The following AURKA variants were observed in gnomAD, a reference collection of about 807,000 sequenced individuals.
AURKA encodes the protein aurora 2.
Under a neutral mutation model 40.9 loss-of-function variants are expected in AURKA, and 12 were observed. The observed-to-expected ratio is 0.29, with a 90% CI of 0.19 to 0.48. The LOEUF (loss-of-function observed/expected upper bound fraction) is 0.48, where lower values mean the gene tolerates loss of function less well. Ranked by LOEUF, AURKA falls within the 20% of genes least tolerant of loss-of-function variation. The pLI is 0.99. For synonymous variants in AURKA, 170 were observed against 164.3 expected (o/e 1.03, Z -0.26); for missense variants, 322 against 462.1 (o/e 0.70, Z 2.78).
At chr20:56,371,191 A>G (rs149789039) in intron 7 of AURKA, among the ~76,000 whole-genome samples, 1,640 of 151,992 alleles carry the variant, frequency 0.011, 19 homozygotes, top group African/African-American at 0.031. Context: ...GGCTGGGTGC[A>G]GTGGCTCATG....
intron 3 of AURKA, among the ~76,000 whole-genome samples, chr20:56,385,288 G>T (rs1336474667): frequency 1.3e-5 from 2 of 152,146 alleles, no homozygotes; most frequent in Admixed American, 1.3e-4. Flanking sequence ...CGTGGATGAA[G>T]CACGCACTTA....
At position 56,373,589 on chromosome 20, in the gene AURKA, G is replaced by A. The variant is rs900306406; in HGVS notation, c.706-33C>T. ...AACAATATTGAAAGCCTATGTTTTA[G>A]ATTTTATATAACACAAGTTAATATT... On this transcript the variant is annotated intron_variant, in intron 6 of 8. Coordinates refer to ENST00000395915, the MANE Select transcript of AURKA (RefSeq NM_198437.3). The surrounding 1 kb of genome is among the most constrained non-coding windows in gnomAD (Gnocchi z 5.0). 1 of 1,603,274 alleles carries A rather than the reference G, an allele frequency of 6.2e-7. No individual in the cohort carries two copies. Among genetic ancestry groups the A allele is most frequent in the African/African-American group, 1.3e-5 (1 of 74,650 alleles).
intron 6 of AURKA, among the ~76,000 whole-genome samples, chr20:56,374,018 C>A (rs922577241): frequency 1.7e-5 from 1 of 59,126 alleles, no homozygotes; most frequent in Non-Finnish European, 3.0e-5. Context: ...TAGGAGTCTA[C>A]ACACACACAC....
chr20:56,372,025 C>T (rs1453971514), intron 7 of AURKA, among the ~76,000 whole-genome samples: 4 of 152,172 alleles, frequency 2.6e-5, no homozygotes, highest in Non-Finnish European at 5.9e-5. Flanking sequence ...CTACCAATTC[C>T]GCATTTTTAT....
At chr20:56,377,571 A>G (rs1985097146) in intron 6 of AURKA, among the ~76,000 whole-genome samples, 1 of 152,100 alleles carries the variant, frequency 6.6e-6, no homozygotes, top group South Asian at 2.1e-4. Context: ...GGTGGATCAC[A>G]AGGTCAAGAG....
intron 1 of AURKA, 78 bp from the exon 2 acceptor site, chr20:56,388,280 A>C (rs1196434476): frequency 7.6e-7 from 1 of 1,316,198 alleles, no homozygotes; most frequent in Non-Finnish European, 1.1e-6. Flanking sequence ...GCAGCGTTAC[A>C]GTTCCCCAAT....
Position 56,381,435 on chromosome 20 carries a change from TAGC to T in AURKA, c.700_702del (p.Ala234del), listed in dbSNP as rs756329887. On this transcript the variant is annotated inframe_deletion, in exon 6 of 9. Coordinates refer to ENST00000395915, the MANE Select transcript of AURKA (RefSeq NM_198437.3). ...CTGGACAATAAATGAACACTTACAG[TAGC>T]AGTTCTCTGCTCATCAAACTTTGAA... 2 of 1,612,674 alleles carry T rather than the reference TAGC, an allele frequency of 1.2e-6. No homozygotes were observed. The highest frequency in any genetic ancestry group is 2.2e-5 in the South Asian group (2 of 91,012).
At chr20:56,380,151 T>A (rs1410016489) in intron 6 of AURKA, among the ~76,000 whole-genome samples, 4 of 151,274 alleles carry the variant, frequency 2.6e-5, no homozygotes, top group Non-Finnish European at 5.9e-5. Context: ...GGTCAGGAGT[T>A]CAAGACCAGC....
intron 6 of AURKA, among the ~76,000 whole-genome samples, chr20:56,380,372 A>AG (rs1024116497): frequency 2.0e-5 from 3 of 151,710 alleles, no homozygotes; most frequent in Non-Finnish European, 4.4e-5. Context: ...AAAAAAAAAA[A>AG]AAAGAAAGAA....
intron 6 of AURKA, among the ~76,000 whole-genome samples, chr20:56,381,023 C>T (rs768431694): frequency 6.6e-6 from 1 of 152,076 alleles, no homozygotes; most frequent in Non-Finnish European, 1.5e-5. Context: ...TGGTGTGCAC[C>T]TGTAGTCCCA....
At position 56,374,755 on chromosome 20, in the gene AURKA, A is replaced by G. The variant is rs542007934; in HGVS notation, c.706-1199T>C. On this transcript the variant is annotated intron_variant, in intron 6 of 8. Coordinates refer to ENST00000395915, the MANE Select transcript of AURKA (RefSeq NM_198437.3). ...CCGACCGAATTACCATCTTGTAAGAAAAGTTTTCCTGGCCAGGTGCAGTGG... is the reference window on the plus strand; with the variant it reads ...CCGACCGAATTACCATCTTGTAAGAGAAGTTTTCCTGGCCAGGTGCAGTGG... Among the ~76,000 whole-genome samples, 6 of 152,272 alleles carry G rather than the reference A, an allele frequency of 3.9e-5. No homozygotes were observed. In the South Asian group the frequency reaches 1.2e-3, roughly 32 times the overall value.
intron 6 of AURKA, among the ~76,000 whole-genome samples, chr20:56,378,640 A>C (rs182619239): frequency 2.6e-3 from 400 of 152,384 alleles, no homozygotes; most frequent in Non-Finnish European, 3.5e-3. Flanking sequence ...GATACCCTTC[A>C]GTAGACGAAT....
At position 56,383,695 on chromosome 20, in the gene AURKA, G is replaced by T. The variant is rs138841706; in HGVS notation, c.375-519C>A. Among the ~76,000 whole-genome samples the T allele has an allele frequency of 6.9e-3, 1,044 of 152,328 alleles. 12 individuals are homozygous for T. The highest frequency in any genetic ancestry group is 0.024 in the African/African-American group (991 of 41,568). On this transcript the variant is annotated intron_variant, in intron 4 of 8. Coordinates refer to ENST00000395915, the MANE Select transcript of AURKA (RefSeq NM_198437.3). ...GCTAGCTGGGGCATGAGAACCAGTG[G>T]ATTTAGACTCTTAGCCTCTGTTAGA...
intron 3 of AURKA, among the ~76,000 whole-genome samples, chr20:56,385,264 A>G (rs1157734132): frequency 6.6e-6 from 1 of 152,164 alleles, no homozygotes; most frequent in African/African-American, 2.4e-5. Flanking sequence ...GGTTACGAAG[A>G]TTGAAAGAGA....
intron 6 of AURKA, among the ~76,000 whole-genome samples, chr20:56,377,968 C>T (rs1985150685): frequency 6.6e-6 from 1 of 152,060 alleles, no homozygotes; most frequent in African/African-American, 2.4e-5. Flanking sequence ...GATTTCGAAA[C>T]CGACCTGGGC....
rs757903736 is a variant in AURKA at position 56,373,597 on chromosome 20, A to G, written c.706-41T>C. 15 of 1,598,496 alleles carry G rather than the reference A, an allele frequency of 9.4e-6. No homozygotes were observed. The African/African-American group carries it at 1.1e-4, about 11-fold the overall frequency. ...TGAAAGCCTATGTTTTAGATTTTAT[A>G]TAACACAAGTTAATATTAGACATCT... On this transcript the variant is annotated intron_variant, in intron 6 of 8. Coordinates refer to ENST00000395915, the MANE Select transcript of AURKA (RefSeq NM_198437.3). The surrounding 1 kb of genome is among the most constrained non-coding windows in gnomAD (Gnocchi z 5.0).
Position 56,370,562 on chromosome 20 carries a change from G to C in AURKA, c.952C>G (p.Leu318Val), listed in dbSNP as rs2146124711. 6.2e-7 allele frequency: 1 copy of C among 1,614,164 alleles called. No individual in the cohort carries two copies. The highest frequency in any genetic ancestry group is 8.5e-7 in the Non-Finnish European group (1 of 1,180,028). ...EKVDLWSLGVLCYEFLVGKPP... is the reference protein window; with the variant it reads ...EKVDLWSLGVVCYEFLVGKPP... ...TTCCCAACTAAAAATTCATAGCAAA[G>C]AACTCCAAGGCTCCAGAGATCCACC... The change falls in exon 8 of 9, where the codon CTT (leucine) becomes GTT (valine). Residue 318 changes from leucine to valine, a missense_variant. Coordinates refer to ENST00000395915, the MANE Select transcript of AURKA (RefSeq NM_198437.3).
chr20:56,390,750 C>G (rs911161), intron 1 of AURKA: 143,578 of 152,156 alleles, frequency 0.94, 68,033 homozygotes, highest in Non-Finnish European at 0.99. Flanking sequence ...CTACAGGCTG[C>G]AGCCCTTATA....
intron 7 of AURKA, among the ~76,000 whole-genome samples, chr20:56,372,237 C>T (rs1026713510): frequency 5.3e-5 from 8 of 152,126 alleles, no homozygotes; most frequent in East Asian, 1.9e-4. Context: ...TGAATTGTGA[C>T]GTAGGATTAA....
Sources: allele counts gnomAD v4.1 joint callset (sites outside exome capture counted in the v4.1 genomes callset), GRCh38; gene constraint gnomAD v4.1.1; non-coding constraint Gnocchi (gnomAD v3.1); transcripts MANE v1.5; gene names NCBI Gene and HGNC (gene_info 2026-07-23, HGNC 2026-07-21).